ASIC2: variants seen among roughly 807,000 people sequenced by gnomAD.
ASIC2 encodes the protein acid sensing ion channel subunit 2.
In ASIC2, 25 loss-of-function variants were observed where a neutral mutation model predicts 57.3. The observed-to-expected ratio is 0.44, with a 90% CI of 0.32 to 0.61. ASIC2 has a LOEUF of 0.61. ASIC2 is among the 20% of genes least tolerant of loss of function. ASIC2 has a pLI of 0.06. For synonymous variants in ASIC2, 319 were observed against 307.5 expected (o/e 1.04, Z -0.39); for missense variants, 641 against 738.1 (o/e 0.87, Z 1.52).
chr17:33,722,718 G>T (rs1220768990), intron 1 of ASIC2, among the ~76,000 whole-genome samples: 7 of 152,156 alleles, frequency 4.6e-5, no homozygotes, highest in Non-Finnish European at 1.0e-4. Context: ...AGCTATGATT[G>T]TGCCATTGCA....
chr17:33,495,750 G>T (rs1027644382), intron 1 of ASIC2, among the ~76,000 whole-genome samples: 2 of 152,184 alleles, frequency 1.3e-5, no homozygotes, highest in Non-Finnish European at 2.9e-5. Flanking sequence ...CCTGTGAACT[G>T]TGGGGAGGCC....
At chr17:33,627,134 G>C (rs1031446242) in intron 1 of ASIC2, 1 of 152,334 alleles carries the variant, frequency 6.6e-6, no homozygotes, top group Non-Finnish European at 1.5e-5. Context: ...GAAAAATGCT[G>C]TCATCCTGGA....
chr17:33,940,177 G>A (rs1916154564), intron 1 of ASIC2, among the ~76,000 whole-genome samples: 1 of 152,186 alleles, frequency 6.6e-6, no homozygotes, highest in Non-Finnish European at 1.5e-5. Flanking sequence ...GGATCATAAG[G>A]TTTCTATTCC....
At chr17:33,553,482 C>A (rs1915811529) in intron 1 of ASIC2, among the ~76,000 whole-genome samples, 1 of 145,440 alleles carries the variant, frequency 6.9e-6, no homozygotes, top group African/African-American at 2.8e-5. Context: ...GGAGGCAGAT[C>A]CTTTATTATT....
At chr17:34,125,744 G>A (rs1337240232) in intron 1 of ASIC2, among the ~76,000 whole-genome samples, 3 of 152,224 alleles carry the variant, frequency 2.0e-5, no homozygotes, top group African/African-American at 7.2e-5. Context: ...CCCACAAGTA[G>A]TAGGTTGTGG....
intron 1 of ASIC2, among the ~76,000 whole-genome samples, chr17:33,607,939 G>A (rs1905269948): frequency 6.6e-6 from 1 of 152,196 alleles, no homozygotes; most frequent in African/African-American, 2.4e-5. Flanking sequence ...CCTAAAGGAA[G>A]TGTTCAACCG....
At chr17:33,028,553 A>AT (rs1157468194) in intron 3 of ASIC2, among the ~76,000 whole-genome samples, 161 bp from the exon 4 acceptor site, 2 of 151,908 alleles carry the variant, frequency 1.3e-5, no homozygotes, top group East Asian at 3.9e-4. Flanking sequence ...CCTTACTTTA[A>AT]TTTTTTCTTT....
chr17:33,566,819 CCTGA>C (rs748559527), intron 1 of ASIC2, among the ~76,000 whole-genome samples: 7 of 152,164 alleles, frequency 4.6e-5, no homozygotes, highest in Admixed American at 2.0e-4. Flanking sequence ...CGTGATCTTT[CCTGA>C]CTGTGTCCCC....
intron 3 of ASIC2, among the ~76,000 whole-genome samples, chr17:33,060,574 T>G (rs1254134504): frequency 6.6e-6 from 1 of 152,220 alleles, no homozygotes; most frequent in Non-Finnish European, 1.5e-5. Flanking sequence ...CCTTGTAGTA[T>G]AGTTTGCAGT....
At chr17:33,722,872 A>C (rs1909430785) in intron 1 of ASIC2, among the ~76,000 whole-genome samples, 1 of 152,246 alleles carries the variant, frequency 6.6e-6, no homozygotes, top group African/African-American at 2.4e-5. Flanking sequence ...TTTGAACCAA[A>C]ATGTGATACC....
At chr17:33,714,760 A>AT (rs1184688739) in intron 1 of ASIC2, among the ~76,000 whole-genome samples, 1 of 147,990 alleles carries the variant, frequency 6.8e-6, no homozygotes, top group African/African-American at 2.5e-5. Flanking sequence ...AAACAACCAA[A>AT]TGTTGTTGTT....
intron 1 of ASIC2, among the ~76,000 whole-genome samples, chr17:33,427,300 C>T (rs1224280872): frequency 2.0e-5 from 3 of 152,138 alleles, no homozygotes; most frequent in Non-Finnish European, 2.9e-5. Context: ...CAGGGGAAAA[C>T]AAAGATTTGA....
intron 1 of ASIC2, among the ~76,000 whole-genome samples, chr17:33,152,649 G>T (rs1025461828): frequency 6.6e-6 from 1 of 152,156 alleles, no homozygotes; most frequent in African/African-American, 2.4e-5. Context: ...TCAGTGTCAT[G>T]TTCAGGGCTT....
intron 1 of ASIC2, among the ~76,000 whole-genome samples, chr17:34,099,518 GAAAA>G (rs1273440643): frequency 8.6e-4 from 113 of 132,054 alleles, no homozygotes; most frequent in African/African-American, 3.2e-3. Context: ...AGAAGAGAAA[GAAAA>G]AGAAAGAAAG....
At chr17:33,077,580 T>G (rs1285830788) in intron 3 of ASIC2, among the ~76,000 whole-genome samples, 1 of 152,094 alleles carries the variant, frequency 6.6e-6, no homozygotes, top group Non-Finnish European at 1.5e-5. Context: ...GTGAAAGATC[T>G]CAGTAGGTGA....
At position 33,510,933 on chromosome 17, in the gene ASIC2, G is replaced by A. The variant is rs193021700; in HGVS notation, c.556-398866C>T. 1.1e-4 allele frequency among the ~76,000 whole-genome samples: 16 copies of A among 152,296 alleles called. No individual in the cohort carries two copies. The East Asian group carries it at 2.5e-3, about 24-fold the overall frequency. ...TCCTCCTGGGGGTCATGCACCCTCC[G>A]CAGTAAGGCCGTAGAGTCTGTTGTC... is the stretch of plus-strand genomic sequence containing the variant. On this transcript the variant is annotated intron_variant, in intron 1 of 9. Coordinates refer to the ASIC2 transcript ENST00000359872.
chr17:34,036,502 C>T (rs1290091187), intron 1 of ASIC2, among the ~76,000 whole-genome samples: 1 of 150,604 alleles, frequency 6.6e-6, no homozygotes, highest in African/African-American at 2.4e-5. Flanking sequence ...TGCACACGTA[C>T]CCTAAAACTT....
chr17:33,263,835 T>C (rs1333033915), intron 1 of ASIC2, among the ~76,000 whole-genome samples: 2 of 152,236 alleles, frequency 1.3e-5, no homozygotes, highest in Admixed American at 6.5e-5. Context: ...TTCCTCTCCA[T>C]GCTCCCCTTC....
intron 1 of ASIC2, among the ~76,000 whole-genome samples, chr17:33,204,737 G>A (rs112555782): frequency 0.024 from 3,726 of 152,316 alleles, 146 homozygotes; most frequent in African/African-American, 0.085. Context: ...GTGCATATGC[G>A]TGTGAACATG....
Sources: allele counts gnomAD v4.1 joint callset (sites outside exome capture counted in the v4.1 genomes callset), GRCh38; gene constraint gnomAD v4.1.1; transcripts MANE v1.5; gene names NCBI Gene and HGNC (gene_info 2026-07-23, HGNC 2026-07-21).